FGF14: variants seen among roughly 807,000 people sequenced by gnomAD.
FGF14 encodes the protein fibroblast growth factor 14.
A neutral mutation model predicts 25.5 loss-of-function variants in FGF14; 5 were observed. The observed-to-expected ratio is 0.20, with a 90% CI of 0.10 to 0.41. The LOEUF is 0.41. FGF14 is among the 10% of genes least tolerant of loss of function. The probability of loss-of-function intolerance (pLI) is 1.00; values close to 1 mark genes in which losing one functional copy is unlikely to be tolerated. For synonymous variants in FGF14, 138 were observed against 118.3 expected (o/e 1.17, Z -1.08); for missense variants, 222 against 320.1 (o/e 0.69, Z 2.34).
At chr13:102,375,363 A>G (rs960674204) in intron 1 of FGF14, among the ~76,000 whole-genome samples, 2 of 152,188 alleles carry the variant, frequency 1.3e-5, no homozygotes, top group East Asian at 3.8e-4. Flanking sequence ...CACAGCGGTG[A>G]TCAAATCAGC....
In FGF14 at chr13:102,116,651, G is replaced by A. The variant is rs367630224; in HGVS notation, c.209-241355C>T. Among the ~76,000 whole-genome samples the A allele has an allele frequency of 1.8e-4, 27 of 152,212 alleles. No homozygotes were observed. In the East Asian group the frequency reaches 3.9e-3, roughly 22 times the overall value. ...AAAGACCTAAAGTATATCAGAGGGC[G>A]CCAGGAACAGGGGCATGAGGGAATG... On this transcript the variant is annotated intron_variant, in intron 1 of 4. Transcript: ENST00000376131.
intron 1 of FGF14, among the ~76,000 whole-genome samples, chr13:102,394,127 A>C (rs1378844651): frequency 6.6e-6 from 1 of 152,238 alleles, no homozygotes. Context: ...GCTAGTGTGT[A>C]AGCTGAGACC....
chr13:101,982,271 G>A (rs1175534753), intron 1 of FGF14, among the ~76,000 whole-genome samples: 1 of 152,116 alleles, frequency 6.6e-6, no homozygotes, highest in African/African-American at 2.4e-5. Context: ...TTTAAATTAT[G>A]CTTTTCTATT....
chr13:101,879,853 T>G (rs755663436), intron 1 of FGF14, among the ~76,000 whole-genome samples: 48 of 152,128 alleles, frequency 3.2e-4, no homozygotes, highest in Non-Finnish European at 6.3e-4. Context: ...GCACTCCCAG[T>G]AGCAGAAAAT....
intron 1 of FGF14, among the ~76,000 whole-genome samples, chr13:102,330,442 T>C (rs572235952): frequency 3.6e-4 from 55 of 152,272 alleles, no homozygotes; most frequent in African/African-American, 1.2e-3. Context: ...GCATCATCTA[T>C]TTTTCTTTTA....
chr13:101,775,819 G>A (rs2139998655), intron 3 of FGF14, among the ~76,000 whole-genome samples: 1 of 152,144 alleles, frequency 6.6e-6, no homozygotes, highest in Non-Finnish European at 1.5e-5. Flanking sequence ...GAGCCAAGGG[G>A]GAAACATCTT....
At chr13:101,956,758 T>C (rs2036535202) in intron 1 of FGF14, among the ~76,000 whole-genome samples, 1 of 134,894 alleles carries the variant, frequency 7.4e-6, no homozygotes, top group Admixed American at 7.9e-5. Flanking sequence ...TCAGATATTA[T>C]TCACTTTACC....
intron 1 of FGF14, among the ~76,000 whole-genome samples, chr13:101,891,939 G>C (rs895493789): frequency 3.9e-5 from 6 of 152,160 alleles, no homozygotes; most frequent in Non-Finnish European, 8.8e-5. Context: ...GAAAGAAGTT[G>C]AGAGGTGAGA....
At chr13:101,985,087 T>TG (rs1306592498) in intron 1 of FGF14, among the ~76,000 whole-genome samples, 2 of 151,298 alleles carry the variant, frequency 1.3e-5, no homozygotes, top group Admixed American at 1.3e-4. Context: ...TTTGTTTTTT[T>TG]TTTTTTTGCC....
chr13:102,325,204 A>G (rs1421090755), intron 1 of FGF14, among the ~76,000 whole-genome samples: 1 of 152,138 alleles, frequency 6.6e-6, no homozygotes, highest in Non-Finnish European at 1.5e-5. Context: ...AGGAAAGATG[A>G]AAAAATTATA....
At chr13:101,974,481 T>C (rs901896588) in intron 1 of FGF14, among the ~76,000 whole-genome samples, 3 of 152,202 alleles carry the variant, frequency 2.0e-5, no homozygotes, top group East Asian at 3.9e-4. Flanking sequence ...CTAGCTTTAA[T>C]GACTGAAAAG....
intron 1 of FGF14, among the ~76,000 whole-genome samples, chr13:102,161,681 A>AGAG (rs2047758623): frequency 1.9e-5 from 1 of 52,178 alleles, no homozygotes. Context: ...AAGAAGAAGA[A>AGAG]GAAGAAGAAG....
At chr13:102,024,780 G>GTGTAACTT (rs1454718210) in intron 1 of FGF14, among the ~76,000 whole-genome samples, 7 of 151,742 alleles carry the variant, frequency 4.6e-5, no homozygotes, top group South Asian at 2.1e-4. Flanking sequence ...TGAGGTAAAG[G>GTGTAACTT]TGTAACTTCA....
intron 1 of FGF14, among the ~76,000 whole-genome samples, chr13:102,260,349 AGTTT>A (rs1458285183): frequency 6.6e-6 from 1 of 152,198 alleles, no homozygotes; most frequent in Non-Finnish European, 1.5e-5. Flanking sequence ...TTTTACTGAA[AGTTT>A]GTTTCAGTGT....
At chr13:101,799,196 G>A (rs1463881544) in intron 3 of FGF14, among the ~76,000 whole-genome samples, 1 of 152,070 alleles carries the variant, frequency 6.6e-6, no homozygotes, top group Non-Finnish European at 1.5e-5. Flanking sequence ...TGGGAGGTTG[G>A]AGACTTTTTT....
intron 1 of FGF14, among the ~76,000 whole-genome samples, chr13:102,041,257 A>G (rs1377143019): frequency 6.6e-6 from 1 of 152,166 alleles, no homozygotes; most frequent in African/African-American, 2.4e-5. Context: ...TATATAAATG[A>G]TCAAGTTTGA....
chr13:101,995,912 G>A lies in FGF14; in HGVS notation c.209-120616C>T, dbSNP rs148779004. On this transcript the variant is annotated intron_variant, in intron 1 of 4. Transcript: ENST00000376131. ...AATAGTTAAAGCATACAAAAAATAG[G>A]AAAAATGAAGAAGACCTACTACTCG... 7.0e-3 allele frequency among the ~76,000 whole-genome samples: 1,062 copies of A among 152,182 alleles called. 11 individuals carry two copies. The highest frequency in any genetic ancestry group is 0.024 in the African/African-American group (997 of 41,502).
intron 1 of FGF14, among the ~76,000 whole-genome samples, chr13:102,056,713 T>TCC (rs2042445471): frequency 6.6e-6 from 1 of 151,310 alleles, no homozygotes; most frequent in African/African-American, 2.4e-5. Flanking sequence ...AGAATCAGGA[T>TCC]CCTACAGTGA....
At chr13:102,147,549 G>C (rs190614177) in intron 1 of FGF14, among the ~76,000 whole-genome samples, 5 of 152,286 alleles carry the variant, frequency 3.3e-5, no homozygotes, top group Admixed American at 2.6e-4. Flanking sequence ...ACAGTGCAGA[G>C]ATACAAAAGA....
Sources: allele counts gnomAD v4.1 joint callset (sites outside exome capture counted in the v4.1 genomes callset), GRCh38; gene constraint gnomAD v4.1.1; transcripts MANE v1.5; gene names NCBI Gene and HGNC (gene_info 2026-07-23, HGNC 2026-07-21).